GUK1: variants seen among roughly 807,000 people sequenced by gnomAD.
The protein encoded by GUK1 is guanylate kinase.
A neutral mutation model predicts 25.2 loss-of-function variants in GUK1; 18 were observed. The ratio of observed to expected loss-of-function variants is 0.71; its 90% confidence interval spans 0.49 to 1.06. GUK1 has a LOEUF of 1.06. GUK1 is among the 50% of genes least tolerant of loss of function. The pLI is 0.00. For synonymous variants in GUK1, 105 were observed against 117.6 expected (o/e 0.89, Z 0.69); for missense variants, 261 against 276.7 (o/e 0.94, Z 0.40).
chr1:228,141,733 C>T (rs781412815), intron 2 of GUK1: 6 of 1,321,904 alleles, frequency 4.5e-6, no homozygotes, highest in Non-Finnish European at 6.0e-6. Context: ...GTCCAGGGAG[C>T]GTTCTGGCAG....
Position 228,146,949 on chromosome 1 carries a change from C to T in GUK1, c.251+11C>T, listed in dbSNP as rs367606769. 2.1e-5 allele frequency: 34 copies of T among 1,587,360 alleles called. No homozygotes were observed. The highest frequency in any genetic ancestry group is 2.6e-5 in the Non-Finnish European group (30 of 1,155,912). On this transcript the variant is annotated intron_variant, in intron 5 of 8. Coordinates refer to ENST00000312726, the MANE Select transcript of GUK1 (RefSeq NM_000858.7). The stretch of plus-strand genomic sequence containing the variant: ...CCTGTATGGCACGAGGTGGGCCATG[C>T]GTGGGTGTGGGTGGGCTCCCAGGGT...
chr1:228,143,355 A>C (rs1163970549), intron 2 of GUK1, among the ~76,000 whole-genome samples: 2 of 152,226 alleles, frequency 1.3e-5, no homozygotes, highest in Admixed American at 1.3e-4. Flanking sequence ...GGACCATTTG[A>C]GTAGCTCTCC....
intron 2 of GUK1, among the ~76,000 whole-genome samples, chr1:228,143,417 A>G (rs1320443085): frequency 6.6e-6 from 1 of 152,220 alleles, no homozygotes; most frequent in African/African-American, 2.4e-5. Context: ...TCTCCTTCGT[A>G]TTAGAAAAGT....
intron 2 of GUK1, among the ~76,000 whole-genome samples, chr1:228,141,995 G>A (rs368057644): frequency 1.3e-5 from 2 of 152,292 alleles, no homozygotes; most frequent in Non-Finnish European, 2.9e-5. Context: ...AAGGCTCCGT[G>A]GTTTCCACCG....
chr1:228,148,240 C>G, intron 7 of GUK1, 131 bp from the exon 7 acceptor site: 1 of 749,908 alleles, frequency 1.3e-6, no homozygotes, highest in Non-Finnish European at 2.4e-6. Flanking sequence ...ACAGGCCCGG[C>G]TGGGCTGGAA....
rs2033970642 is a variant in GUK1 at position 228,140,327 on chromosome 1, CTGGCTGCGGCCGCCCT to C, written c.-203_-188del. 6.5e-7 allele frequency: 1 copy of C among 1,528,884 alleles called. No individual in the cohort carries two copies. 94.7% of individuals were successfully genotyped at this position (1,528,884 alleles called of 1,614,324 possible). A position where few individuals can be genotyped will look rare whatever the true frequency, so the allele number is the denominator to read the frequency against. ...GATGCTGCGGCGCCCGCTGGCCGGG[CTGGCTGCGGCCGCCCT>C]GGGCCGGGCCCCACCGGACGGTGAG... is the stretch of plus-strand genomic sequence containing the variant. On this transcript the variant is annotated 5_prime_UTR_variant, in exon 1 of 9. Transcript: ENST00000312726.
intron 2 of GUK1, among the ~76,000 whole-genome samples, chr1:228,143,531 C>T (rs753531631): frequency 6.6e-6 from 1 of 152,166 alleles, no homozygotes; most frequent in Non-Finnish European, 1.5e-5. Flanking sequence ...TCCACCCTGG[C>T]GAGAAGCAGG....
intron 2 of GUK1, among the ~76,000 whole-genome samples, chr1:228,144,167 G>C (rs1200478672): frequency 1.3e-5 from 2 of 152,158 alleles, no homozygotes; most frequent in African/African-American, 2.4e-5. Context: ...TGGCATGTGT[G>C]TGGTGGGTGT....
In GUK1 at chr1:228,148,895, T is replaced by G; in HGVS notation, c.*198T>G. On this transcript the variant is annotated 3_prime_UTR_variant, in exon 9 of 9. Coordinates refer to ENST00000312726, the MANE Select transcript of GUK1 (RefSeq NM_000858.7). ...CTGGGCTGTCCCCTGTCCCTATCTC[T>G]CACTCTGGACCCAGGGCTGACATCC... 8.8e-6 allele frequency: 12 copies of G among 1,364,104 alleles called. No homozygotes were observed. Among genetic ancestry groups the G allele is most frequent in the Non-Finnish European group, 1.2e-5 (12 of 992,332 alleles). 84.5% of individuals were successfully genotyped at this position (1,364,104 alleles called of 1,614,324 possible). A position where few individuals can be genotyped will look rare whatever the true frequency, so the allele number is the denominator to read the frequency against.
chr1:228,146,281 A>G, intron 4 of GUK1: 2 of 567,478 alleles, frequency 3.5e-6, no homozygotes, highest in Non-Finnish European at 6.3e-6. Context: ...GAGGCCGGCC[A>G]AGGCCTGGGG....
intron 2 of GUK1, chr1:228,144,901 C>T (rs979108784): frequency 1.3e-5 from 2 of 159,094 alleles, no homozygotes; most frequent in African/African-American, 4.8e-5. Context: ...ACCAGCATCA[C>T]AGATAGGAGT....
At chr1:228,147,365 G>C (rs1028520728) in intron 5 of GUK1, 41 bp from the exon 5 acceptor site, 1 of 1,588,530 alleles carries the variant, frequency 6.3e-7, no homozygotes, top group Non-Finnish European at 8.6e-7. Context: ...GTAGGCCTCA[G>C]AGAGCCCTGG....
At chr1:228,143,479 G>T (rs1305044371) in intron 2 of GUK1, among the ~76,000 whole-genome samples, 1 of 152,228 alleles carries the variant, frequency 6.6e-6, no homozygotes, top group African/African-American at 2.4e-5. Flanking sequence ...CTTCAAGTAG[G>T]TGTGTAGCAA....
upstream of GUK1, chr1:228,140,275 G>GT: frequency 6.5e-7 from 1 of 1,528,318 alleles, no homozygotes; most frequent in South Asian, 1.2e-5. Context: ...TGTCACGTAG[G>GT]TTCAGTGGGC....
At chr1:228,144,621 A>C (rs757775911) in intron 2 of GUK1, 8 of 605,620 alleles carry the variant, frequency 1.3e-5, no homozygotes, top group Non-Finnish European at 1.5e-5. Flanking sequence ...CCCCCTGGGG[A>C]TTTATTCGTG....
rs189262231 is a variant in GUK1, at chr1:228,146,936, G to A, written c.249G>A (p.Thr83=). The change falls in exon 5 of 9, where the codon ACG becomes ACA. Residue 83 remains threonine, a splice_region_variant and synonymous_variant. Transcript: ENST00000312726. ...AGTTCTCGGGGAACCTGTATGGCACGAGGTGGGCCATGCGTGGGTGTGGGT... is the reference window on the plus strand; with the variant it reads ...AGTTCTCGGGGAACCTGTATGGCACAAGGTGGGCCATGCGTGGGTGTGGGT... The A allele has an allele frequency of 2.2e-4, 349 of 1,606,672 alleles. 1 individual carries two copies. In the Admixed American group the frequency reaches 3.5e-3, roughly 16 times the overall value.
intron 6 of GUK1, 35 bp from the exon 6 acceptor site, chr1:228,147,580 G>C (rs745974563): frequency 1.2e-6 from 2 of 1,613,044 alleles, no homozygotes; most frequent in Non-Finnish European, 1.7e-6. Context: ...TGGGGGCCAG[G>C]GCATGCCAGG....
intron 2 of GUK1, 193 bp from the exon 2 acceptor site, chr1:228,145,318 C>G: frequency 1.9e-6 from 1 of 517,416 alleles, no homozygotes; most frequent in Non-Finnish European, 3.4e-6. Flanking sequence ...TGAGGGCCGC[C>G]CTGTGCATGC....
At chr1:228,142,131 G>T (rs1322989414) in intron 2 of GUK1, among the ~76,000 whole-genome samples, 7 of 96,184 alleles carry the variant, frequency 7.3e-5, no homozygotes, top group African/African-American at 2.3e-4. Context: ...CTGTGCCTCC[G>T]CCCTGTCTCC....
Sources: gnomAD v4.1 joint callset for allele counts (sites outside exome capture counted in the v4.1 genomes callset) on GRCh38, gnomAD v4.1.1 for gene constraint, MANE v1.5 for transcripts, NCBI Gene and HGNC (gene_info 2026-07-23, HGNC 2026-07-21) for gene names.